The following TLE6 variants were observed in gnomAD, a reference collection of about 807,000 sequenced individuals.
The protein encoded by TLE6 is TLE family member 6, subcortical maternal complex member.
TLE6 carries 72 observed loss-of-function variants against 77.1 expected under a neutral mutation model. The ratio of observed to expected loss-of-function variants is 0.93; its 90% confidence interval spans 0.77 to 1.14. The LOEUF is 1.14. TLE6 is among the 50% of genes most tolerant of loss of function. The probability of loss-of-function intolerance (pLI) is 0.00; values close to 1 mark genes in which losing one functional copy is unlikely to be tolerated. For missense variants in TLE6, 843 were observed against 747.6 expected (o/e 1.13, Z -1.49); for synonymous variants, 366 against 287.3 (o/e 1.27, Z -2.77).
intron 11 of TLE6, 78 bp downstream of exon 11, chr19:2,988,206 A>G: frequency 2.1e-6 from 3 of 1,418,756 alleles, no homozygotes; most frequent in Non-Finnish European, 2.9e-6. Flanking sequence ...TCTGTTCCCG[A>G]CACATAGAGG....
rs915509674 is a variant in TLE6 at position 2,988,932 on chromosome 19, G to C, written c.741-129G>C. The stretch of plus-strand genomic sequence containing the variant: ...GCAGGACATTGAGGGGAGTCTAGAG[G>C]GTAAAACAAGGCCTGAGAGAGGGAC... On this transcript the variant is annotated intron_variant, in intron 11 of 16. Coordinates refer to ENST00000246112, the MANE Select transcript of TLE6 (RefSeq NM_001143986.2). 3 of 1,334,644 alleles carry C rather than the reference G, an allele frequency of 2.2e-6. No homozygotes were observed. The African/African-American group carries it at 4.5e-5, about 20-fold the overall frequency. The allele number at this position is 1,334,644 out of a possible 1,614,324, so 82.7% of individuals were successfully genotyped here.
intron 1 of TLE6, 65 bp from the exon 2 acceptor site, chr19:2,978,133 C>T: frequency 7.8e-7 from 1 of 1,275,736 alleles, no homozygotes; most frequent in Non-Finnish European, 1.1e-6. Context: ...GTAACGGGTG[C>T]CTTGCTTCCC....
At chr19:2,990,196 C>T (rs571327639) in intron 13 of TLE6, among the ~76,000 whole-genome samples, 2 of 151,764 alleles carry the variant, frequency 1.3e-5, no homozygotes, top group African/African-American at 4.8e-5. Context: ...CCCAGGAATT[C>T]GAGATTAACC....
At position 2,994,112 on chromosome 19, in the gene TLE6, G is replaced by A. The variant is rs766290461; in HGVS notation, c.1614+17G>A. 4.7e-5 allele frequency: 74 copies of A among 1,591,294 alleles called. No individual in the cohort carries two copies. Among genetic ancestry groups the A allele is most frequent in the Non-Finnish European group, 6.2e-5 (72 of 1,170,250 alleles). On this transcript the variant is annotated intron_variant, in intron 16 of 16. Transcript: ENST00000246112. ...GTGTTCGAGGTACTGCGGTGGGCTG[G>A]GGGCAGGACCCGGGGGTGGCCCCAA... is the stretch of plus-strand genomic sequence containing the variant.
intron 13 of TLE6, among the ~76,000 whole-genome samples, chr19:2,991,006 T>TTACATACATACATACATACA (rs200186447): frequency 9.7e-6 from 1 of 103,082 alleles, no homozygotes; most frequent in Admixed American, 8.9e-5. Flanking sequence ...AAAAAAAATT[T>TTACATACATACATACATACA]TACATACATA....
At chr19:2,988,750 C>G (rs7248550) in intron 11 of TLE6, among the ~76,000 whole-genome samples, 52,601 of 151,816 alleles carry the variant, frequency 0.35, 11,260 homozygotes, top group African/African-American at 0.6. Context: ...CTGGGAGAAC[C>G]CAGGTGGGGC....
chr19:2,993,069 G>A (rs1477411014), intron 14 of TLE6, among the ~76,000 whole-genome samples: 2 of 146,682 alleles, frequency 1.4e-5, no homozygotes, highest in Non-Finnish European at 3.0e-5. Flanking sequence ...TAATTAGCCA[G>A]GCATGGTGGC....
chr19:2,993,996 C>T (rs1202669679), intron 15 of TLE6, 23 bp from the exon 16 acceptor site: 22 of 1,586,338 alleles, frequency 1.4e-5, no homozygotes, highest in East Asian at 2.3e-5. Context: ...TTCTAAGTCT[C>T]GCTGATGCTC....
rs1351097883 is a variant in TLE6, at chr19:2,980,174, G to C, written c.126G>C (p.Gln42His). Residue 42 changes from glutamine to histidine, a missense_variant, in exon 3 of 17, where the codon CAG (glutamine) becomes CAC (histidine). Transcript: ENST00000246112. ...NYQGILNRLK[Q>H]FPRFSPHFAA... The stretch of plus-strand genomic sequence containing the variant: ...AGGGCATTCTAAATCGGCTCAAGCA[G>C]TTCCCCAGGTGAGAGCAATTCCAGG... 2.6e-6 allele frequency: 4 copies of C among 1,547,600 alleles called. No homozygotes were observed. The highest frequency in any genetic ancestry group is 3.5e-6 in the Non-Finnish European group (4 of 1,144,472).
chr19:2,993,520 G>T lies in TLE6; in HGVS notation c.1475G>T (p.Ser492Ile). 6.3e-7 allele frequency: 1 copy of T among 1,593,374 alleles called. No individual in the cohort carries two copies. Among genetic ancestry groups the T allele is most frequent in the Non-Finnish European group, 8.6e-7 (1 of 1,164,234 alleles). ...GQQWLQSTSG[S>I]QRHMVGQKDS... The stretch of plus-strand genomic sequence containing the variant: ...CAGTGGCTGCAAAGCACCAGCGGGA[G>T]CCAGCGGCACATGGTGGGGCAAAAA... Residue 492 changes from serine (S) to isoleucine (I), a missense_variant, in exon 15 of 17, where the codon AGC (serine) becomes ATC (isoleucine). Physicochemically the swap from Ser to Ile is moderately radical, Grantham distance 142. Coordinates refer to ENST00000246112, the MANE Select transcript of TLE6 (RefSeq NM_001143986.2).
At chr19:2,986,450 A>C (rs2088912823) in intron 5 of TLE6, among the ~76,000 whole-genome samples, 1 of 151,628 alleles carries the variant, frequency 6.6e-6, no homozygotes. Context: ...GTGGTGGCTT[A>C]TGCCTATAAT....
intron 1 of TLE6, 117 bp downstream of exon 1, chr19:2,977,727 G>C (rs1330982066): frequency 6.4e-6 from 1 of 155,182 alleles, no homozygotes; most frequent in African/African-American, 2.4e-5. Flanking sequence ...GAAGAAGCTG[G>C]GTGCTGCAGC....
chr19:2,988,182 T>G, intron 11 of TLE6, 54 bp downstream of exon 11: 19 of 1,491,524 alleles, frequency 1.3e-5, no homozygotes, highest in Middle Eastern at 1.8e-4. Flanking sequence ...CGGGAATTCC[T>G]TCCTGTCTAT....
chr19:2,993,166 C>T (rs1211343506), intron 14 of TLE6, among the ~76,000 whole-genome samples: 2 of 151,958 alleles, frequency 1.3e-5, no homozygotes, highest in Non-Finnish European at 2.9e-5. Flanking sequence ...AAGCCGAGAT[C>T]GTACCATTGT....
At position 2,995,029 on chromosome 19, in the gene TLE6, T is replaced by C. The variant is rs73919236; in HGVS notation, c.*25T>C. Reference sequence around the variant, plus strand: ...AGGGGCCTCGCTGCTGTCATCCCACTCCGGCTCCTCTTTTCATCCCCCCCC... The same window carrying C: ...AGGGGCCTCGCTGCTGTCATCCCACCCCGGCTCCTCTTTTCATCCCCCCCC... On this transcript the variant is annotated 3_prime_UTR_variant, in exon 17 of 17. Transcript: ENST00000246112. The C allele has an allele frequency of 8.3e-3, 11,593 of 1,399,648 alleles. 616 individuals carry two copies. In the African/African-American group the frequency reaches 0.13, roughly 16 times the overall value. 86.7% of individuals were successfully genotyped at this position (1,399,648 alleles called of 1,614,324 possible).
At chr19:2,992,792 A>G (rs1265906715) in intron 14 of TLE6, among the ~76,000 whole-genome samples, 175 of 9,904 alleles carry the variant, frequency 0.018, 5 homozygotes, top group African/African-American at 0.058. Flanking sequence ...AAAAAAAAAA[A>G]AGGGGGGGAG....
chr19:2,987,598 TCTGC>T, intron 8 of TLE6, 122 bp from the exon 9 acceptor site: 1 of 1,215,970 alleles, frequency 8.2e-7, no homozygotes, highest in East Asian at 2.4e-5. Context: ...TCTCTGCAAC[TCTGC>T]CTGGACCCGC....
intron 3 of TLE6, chr19:2,980,413 A>G (rs7259899): frequency 0.019 from 6,988 of 362,978 alleles, 453 homozygotes; most frequent in African/African-American, 0.13. Context: ...TTCGACATGG[A>G]TTTGTTGGCA....
intron 5 of TLE6, among the ~76,000 whole-genome samples, chr19:2,982,836 C>T (rs529807): frequency 0.21 from 31,205 of 152,068 alleles, 4,412 homozygotes; most frequent in East Asian, 0.64. Context: ...GACCCTTTGC[C>T]GGTCAGTTGC....
Sources: allele counts gnomAD v4.1 joint callset (sites outside exome capture counted in the v4.1 genomes callset), GRCh38; gene constraint gnomAD v4.1.1; transcripts MANE v1.5; gene names NCBI Gene and HGNC (gene_info 2026-07-23, HGNC 2026-07-21).